B3GALNT2: variants seen among roughly 807,000 people sequenced by gnomAD.
The protein encoded by B3GALNT2 is beta-1,3-N-acetylgalactosaminyltransferase 2.
A neutral mutation model predicts 61.1 loss-of-function variants in B3GALNT2; 53 were observed. That is an observed-to-expected ratio of 0.87 (90% CI 0.70 to 1.09). The LOEUF (loss-of-function observed/expected upper bound fraction) is 1.09, where lower values mean the gene tolerates loss of function less well. Ranked by LOEUF, B3GALNT2 falls within the 50% of genes least tolerant of loss-of-function variation. The pLI, the probability that B3GALNT2 is intolerant of heterozygous loss-of-function variation, is 0.00. For missense variants in B3GALNT2, 544 were observed against 623.0 expected, an observed-to-expected ratio of 0.87 and a Z score of 1.35; for synonymous variants, 223 against 237.4, an observed-to-expected ratio of 0.94 and a Z score of 0.56.
intron 10 of B3GALNT2, among the ~76,000 whole-genome samples, chr1:235,453,935 A>ATGCC (rs1683046764): frequency 6.6e-6 from 1 of 152,148 alleles, no homozygotes; most frequent in African/African-American, 2.4e-5. Flanking sequence ...CCATGATGGG[A>ATGCC]TGCCGAGTGA....
intron 2 of B3GALNT2, among the ~76,000 whole-genome samples, chr1:235,491,804 A>C (rs1685084920): frequency 1.3e-5 from 2 of 151,916 alleles, no homozygotes; most frequent in Admixed American, 1.3e-4. Context: ...TCTCACAGTC[A>C]TATGCTTCCC....
At chr1:235,471,470 G>A (rs1020332220) in intron 5 of B3GALNT2, among the ~76,000 whole-genome samples, 2 of 152,168 alleles carry the variant, frequency 1.3e-5, no homozygotes, top group Non-Finnish European at 2.9e-5. Flanking sequence ...ACTGGGACAA[G>A]AAAGAGATAT....
chr1:235,449,704 T>C lies in B3GALNT2; in HGVS notation c.*502A>G, dbSNP rs559910836. ...ACATTATTTCCAGAAACCCCAAACT[T>C]TGGTATAAGTGACCACTGCTCAAAT... On this transcript the variant is annotated 3_prime_UTR_variant, in exon 12 of 12. Coordinates refer to ENST00000366600, the MANE Select transcript of B3GALNT2 (RefSeq NM_152490.5). 1 of 152,636 alleles carries C rather than the reference T, an allele frequency of 6.6e-6. No individual in the cohort carries two copies. Among genetic ancestry groups the C allele is most frequent in the East Asian group, 1.9e-4 (1 of 5,188 alleles). 9.5% of individuals were successfully genotyped at this position (152,636 alleles called of 1,614,324 possible).
intron 11 of B3GALNT2, 34 bp downstream of exon 11, chr1:235,453,056 C>A (rs1457143079): frequency 1.4e-5 from 22 of 1,568,236 alleles, no homozygotes; most frequent in Non-Finnish European, 1.9e-5. Flanking sequence ...CTCCTCAACT[C>A]TTAAGAACCC....
intron 1 of B3GALNT2, among the ~76,000 whole-genome samples, chr1:235,502,759 G>C (rs944693910): frequency 6.6e-6 from 1 of 152,178 alleles, no homozygotes; most frequent in Admixed American, 6.5e-5. Flanking sequence ...GCCATAAACA[G>C]ACTTAATGAC....
At chr1:235,445,948 G>A (rs1682238515), downstream of B3GALNT2, among the ~76,000 whole-genome samples, 5 of 152,098 alleles carry the variant, frequency 3.3e-5, no homozygotes, top group African/African-American at 9.7e-5. Flanking sequence ...CTAGAGCTGC[G>A]CTGTCCAGTG....
intron 1 of B3GALNT2, among the ~76,000 whole-genome samples, chr1:235,503,138 T>C (rs1214307170): frequency 6.6e-6 from 1 of 152,266 alleles, no homozygotes; most frequent in East Asian, 1.9e-4. Flanking sequence ...AGTGCTGAAC[T>C]GCAAACACTC....
intron 1 of B3GALNT2, among the ~76,000 whole-genome samples, chr1:235,501,424 C>A (rs1233325935): frequency 1.3e-5 from 2 of 152,326 alleles, no homozygotes; most frequent in East Asian, 3.9e-4. Context: ...ACTTCCCTGA[C>A]CTATTTAAAA....
intron 1 of B3GALNT2, chr1:235,496,344 T>C: frequency 1.0e-6 from 1 of 973,508 alleles, no homozygotes; most frequent in Non-Finnish European, 1.3e-6. Flanking sequence ...CCAAATGGAA[T>C]AGAGGTATTT....
chr1:235,482,156 T>C (rs963229549), intron 4 of B3GALNT2, among the ~76,000 whole-genome samples: 2 of 152,006 alleles, frequency 1.3e-5, no homozygotes, highest in Non-Finnish European at 2.9e-5. Context: ...AAAACAATGA[T>C]TTGAAGGCAC....
chr1:235,474,966 TATATATA>T (rs1558425168), intron 5 of B3GALNT2, among the ~76,000 whole-genome samples: 3 of 25,962 alleles, frequency 1.2e-4, no homozygotes, highest in Non-Finnish European at 2.1e-4. Flanking sequence ...TATATATATA[TATATATA>T]TATATATATA....
chr1:235,489,036 C>T, intron 3 of B3GALNT2, 132 bp downstream of exon 3: 2 of 1,232,882 alleles, frequency 1.6e-6, no homozygotes, highest in Non-Finnish European at 2.1e-6. Flanking sequence ...GGCGACAGAG[C>T]AAGACCCTGT....
chr1:235,467,636 C>A (rs1253122153), intron 6 of B3GALNT2, among the ~76,000 whole-genome samples: 1 of 151,342 alleles, frequency 6.6e-6, no homozygotes, highest in South Asian at 2.1e-4. Flanking sequence ...CCTGCCAGCA[C>A]ACCTGGCTAA....
intron 5 of B3GALNT2, among the ~76,000 whole-genome samples, chr1:235,476,347 G>T (rs1214854303): frequency 6.6e-6 from 1 of 152,112 alleles, no homozygotes; most frequent in Non-Finnish European, 1.5e-5. Context: ...AGAGGCAGAG[G>T]TTGCAGTGAG....
At chr1:235,468,743 G>A (rs907308137) in intron 6 of B3GALNT2, among the ~76,000 whole-genome samples, 1 of 152,016 alleles carries the variant, frequency 6.6e-6, no homozygotes, top group Non-Finnish European at 1.5e-5. Context: ...GAGCCACCGC[G>A]CCCGGCCAAT....
chr1:235,481,199 T>C (rs1373322107), intron 4 of B3GALNT2, among the ~76,000 whole-genome samples: 2 of 152,166 alleles, frequency 1.3e-5, no homozygotes, highest in Non-Finnish European at 2.9e-5. Flanking sequence ...ATGAACCCAT[T>C]AGCATCCATC....
chr1:235,442,269 C>T (rs948904930), downstream of B3GALNT2, among the ~76,000 whole-genome samples: 5 of 152,178 alleles, frequency 3.3e-5, no homozygotes, highest in African/African-American at 1.2e-4. Flanking sequence ...CTCCCGGGTT[C>T]AAGCGATTTT....
intron 7 of B3GALNT2, 149 bp downstream of exon 7, chr1:235,465,487 A>G (rs1214878971): frequency 8.1e-7 from 1 of 1,239,088 alleles, no homozygotes; most frequent in Admixed American, 2.8e-5. Flanking sequence ...CTAAGAATAC[A>G]CTAAAACCAC....
rs1050256598 is a variant in B3GALNT2, at chr1:235,497,482, A to G, written c.113-2654T>C. On this transcript the variant is annotated intron_variant, in intron 1 of 11. Coordinates refer to ENST00000366600, the MANE Select transcript of B3GALNT2 (RefSeq NM_152490.5). ...TTAAAAGCTGTAGGGCAAAAATCACATTTAATCTAAATGCCTCATTTATCT... is the reference window on the plus strand; with the variant it reads ...TTAAAAGCTGTAGGGCAAAAATCACGTTTAATCTAAATGCCTCATTTATCT... Among the ~76,000 whole-genome samples the G allele has an allele frequency of 3.3e-5, 5 of 152,240 alleles. No homozygotes were observed. The South Asian group carries it at 1.0e-3, about 31-fold the overall frequency.
Sources: gnomAD v4.1 joint callset for allele counts (sites outside exome capture counted in the v4.1 genomes callset) on GRCh38, gnomAD v4.1.1 for gene constraint, MANE v1.5 for transcripts, NCBI Gene and HGNC (gene_info 2026-07-23, HGNC 2026-07-21) for gene names.